Variants in SYCE1L observed in about 807,000 individuals in gnomAD.
The protein encoded by SYCE1L is synaptonemal complex central element protein 1 like.
In SYCE1L, 51 loss-of-function variants were observed where a neutral mutation model predicts 39.6. That is an observed-to-expected ratio of 1.29 (90% confidence interval 1.03 to 1.63). The LOEUF (loss-of-function observed/expected upper bound fraction) is 1.63, where lower values mean the gene tolerates loss of function less well. Among genes scored for constraint, SYCE1L ranks in the 40% most tolerant of loss-of-function variants. The pLI is 0.00. For synonymous variants in SYCE1L, 147 were observed against 122.4 expected (o/e 1.20, Z -1.33); for missense variants, 426 against 304.9 (o/e 1.40, Z -2.96).
chr16:77,205,465 T>G (rs560011824), intron 1 of SYCE1L, among the ~76,000 whole-genome samples: 1 of 150,772 alleles, frequency 6.6e-6, no homozygotes, highest in Admixed American at 6.6e-5. Flanking sequence ...CATACATATT[T>G]ACATAGAAGT....
chr16:77,199,448 G>A lies in SYCE1L; in HGVS notation c.-4G>A, dbSNP rs770974432. On this transcript the variant is annotated 5_prime_UTR_variant, in exon 1 of 11. Coordinates refer to ENST00000378644, the MANE Select transcript of SYCE1L (RefSeq NM_001129979.3). ...AGGCTCGCGCGCAGGCCCCGCGTTGGAAAATGGCGGGGAAGCTGAAACCTC... is the reference window on the plus strand; with the variant it reads ...AGGCTCGCGCGCAGGCCCCGCGTTGAAAAATGGCGGGGAAGCTGAAACCTC... 3.9e-6 allele frequency: 6 copies of A among 1,551,530 alleles called. No individual in the cohort carries two copies. The South Asian group carries it at 7.1e-5, about 18-fold the overall frequency.
chr16:77,204,264 T>C (rs771565636), intron 1 of SYCE1L, among the ~76,000 whole-genome samples: 1 of 152,192 alleles, frequency 6.6e-6, no homozygotes, highest in Non-Finnish European at 1.5e-5. Flanking sequence ...CAAAGAATAA[T>C]GTACAAGGAT....
intron 1 of SYCE1L, among the ~76,000 whole-genome samples, chr16:77,204,047 A>T (rs2054767082): frequency 6.6e-6 from 1 of 152,136 alleles, no homozygotes; most frequent in East Asian, 1.9e-4. Context: ...TTTGAAATGA[A>T]ACAGTTTTTG....
At chr16:77,206,211 T>C (rs1451481098) in intron 1 of SYCE1L, among the ~76,000 whole-genome samples, 1 of 152,218 alleles carries the variant, frequency 6.6e-6, no homozygotes, top group African/African-American at 2.4e-5. Flanking sequence ...GGTGGTGTTT[T>C]TTAACCCCTC....
At chr16:77,210,752 A>C (rs546352381) in intron 6 of SYCE1L, among the ~76,000 whole-genome samples, 2 of 152,322 alleles carry the variant, frequency 1.3e-5, no homozygotes, top group African/African-American at 4.8e-5. Flanking sequence ...TAATGTTCTC[A>C]ACAGAGGCCC....
rs1246760253 is a variant in SYCE1L at position 77,205,070 on chromosome 16, A to AG, written c.62-1371_62-1370insG. Among the ~76,000 whole-genome samples, 89 of 151,432 alleles carry AG rather than the reference A, an allele frequency of 5.9e-4. 1 individual carries two copies. Among genetic ancestry groups the AG allele is most frequent in the Non-Finnish European group, 8.8e-5 (6 of 67,882 alleles). On this transcript the variant is annotated intron_variant, in intron 1 of 10. Coordinates refer to ENST00000378644, the MANE Select transcript of SYCE1L (RefSeq NM_001129979.3). ...AAAAAAAAAAAAAAAAGAAAAGAAA[A>AG]AGATAATGTGGGAGGTATGTTTGTA...
intron 4 of SYCE1L, 48 bp from the exon 5 acceptor site, chr16:77,209,049 G>A (rs776230054): frequency 6.5e-7 from 1 of 1,545,930 alleles, no homozygotes; most frequent in African/African-American, 1.4e-5. Flanking sequence ...TTGCACTGGG[G>A]ATGGCAATGG....
At chr16:77,203,120 C>T (rs748012132) in intron 1 of SYCE1L, among the ~76,000 whole-genome samples, 3 of 152,086 alleles carry the variant, frequency 2.0e-5, no homozygotes, top group Non-Finnish European at 2.9e-5. Flanking sequence ...TTTTACATCA[C>T]GTATTTCTTT....
At chr16:77,199,721 T>A (rs2054709986) in intron 1 of SYCE1L, 2 of 523,780 alleles carry the variant, frequency 3.8e-6, no homozygotes, top group Non-Finnish European at 6.7e-6. Flanking sequence ...AGATTAACTT[T>A]TGTCAACTGT....
chr16:77,205,433 AAT>A (rs145238524), intron 1 of SYCE1L, among the ~76,000 whole-genome samples: 35 of 145,236 alleles, frequency 2.4e-4, no homozygotes, highest in Admixed American at 5.5e-4. Flanking sequence ...CATAGAAGTA[AAT>A]ATATATATAT....
chr16:77,205,056 A>AAAAAAAAAAAAAGAAAAG (rs1471925292), intron 1 of SYCE1L, among the ~76,000 whole-genome samples: 2 of 140,666 alleles, frequency 1.4e-5, no homozygotes, highest in African/African-American at 2.7e-5. Flanking sequence ...AAAAAAAAAA[A>AAAAAAAAAAAAAGAAAAG]AAAAGAAAAG....
At chr16:77,209,301 ACACC>A (rs577509368) in intron 5 of SYCE1L, 112 bp from the exon 6 acceptor site, 2 of 1,352,174 alleles carry the variant, frequency 1.5e-6, no homozygotes, top group East Asian at 5.0e-5. Flanking sequence ...CTTGGAGTAA[ACACC>A]CAAGTCCTCA....
rs2054836079 is a variant in SYCE1L at position 77,212,888 on chromosome 16, A to G, written c.686A>G (p.Glu229Gly). ...AGPELPRARD[E>G]EDPEPPVAAP... Reference sequence around the variant, plus strand: ...CCTGAGCTCCCCCGCGCTCGCGACGAGGAGGATCCCGAGCCGCCGGTGGCT... The same window carrying G: ...CCTGAGCTCCCCCGCGCTCGCGACGGGGAGGATCCCGAGCCGCCGGTGGCT... The change falls in exon 11 of 11, where the codon GAG becomes GGG. Residue 229 changes from glutamate to glycine, a missense_variant. Coordinates refer to ENST00000378644, the MANE Select transcript of SYCE1L (RefSeq NM_001129979.3). 1 of 1,527,546 alleles carries G rather than the reference A, an allele frequency of 6.5e-7. No homozygotes were observed. The allele number at this position is 1,527,546 out of a possible 1,614,324, so 94.6% of individuals were successfully genotyped here.
intron 1 of SYCE1L, chr16:77,202,180 T>C (rs1239421059): frequency 6.6e-6 from 1 of 152,206 alleles, no homozygotes; most frequent in African/African-American, 2.4e-5. Context: ...CATCCAGGTT[T>C]TGATTGTTGT....
In SYCE1L at chr16:77,208,956, A is replaced by G; in HGVS notation, c.257-141A>G. ...TGGATCAGGATGGTCCTTCTGGGAG[A>G]TGGTTGCAAGGGTGGCAAGAAGATA... On this transcript the variant is annotated intron_variant, in intron 4 of 10. Transcript: ENST00000378644. 3.5e-6 allele frequency: 3 copies of G among 855,394 alleles called. No individual in the cohort carries two copies. In the East Asian group the frequency reaches 8.0e-5, roughly 23 times the overall value. 53.0% of individuals were successfully genotyped at this position (855,394 alleles called of 1,614,324 possible). A position where few individuals can be genotyped will look rare whatever the true frequency, so the allele number is the denominator to read the frequency against.
chr16:77,202,157 G>T (rs190591636), intron 1 of SYCE1L: 3 of 152,152 alleles, frequency 2.0e-5, no homozygotes, highest in African/African-American at 7.2e-5. Context: ...TATTCATATT[G>T]GATCAGTATT....
chr16:77,211,342 C>T (rs746036), intron 7 of SYCE1L, 66 bp downstream of exon 7: 170,324 of 1,530,996 alleles, frequency 0.11, 10,901 homozygotes, highest in East Asian at 0.31. Context: ...CACTGACTGG[C>T]CCAGAGTCCA....
rs545770596 is a variant in SYCE1L at position 77,212,973 on chromosome 16, G to A, written c.*42G>A. 2.1e-6 allele frequency: 3 copies of A among 1,451,284 alleles called. No individual in the cohort carries two copies. Among genetic ancestry groups the A allele is most frequent in the East Asian group, 2.6e-5 (1 of 38,012 alleles). 89.9% of individuals were successfully genotyped at this position (1,451,284 alleles called of 1,614,324 possible). A position where few individuals can be genotyped will look rare whatever the true frequency, so the allele number is the denominator to read the frequency against. On this transcript the variant is annotated 3_prime_UTR_variant, in exon 11 of 11. Transcript: ENST00000378644. ...CGTTCCCGACCTTCCCTCGAGACCC[G>A]CCAAGAAATAAAGGCGATGATTTCC... is the stretch of plus-strand genomic sequence containing the variant.
chr16:77,206,522 G>A, intron 2 of SYCE1L, 22 bp downstream of exon 2: 1 of 1,551,456 alleles, frequency 6.4e-7, no homozygotes, highest in Non-Finnish European at 8.7e-7. Context: ...CTTTGTTTCT[G>A]AGCCTCAGCC....
Sources: allele counts gnomAD v4.1 joint callset (sites outside exome capture counted in the v4.1 genomes callset), GRCh38; gene constraint gnomAD v4.1.1; transcripts MANE v1.5; gene names NCBI Gene and HGNC (gene_info 2026-07-23, HGNC 2026-07-21).